Variants in SGCZ observed in about 807,000 individuals in gnomAD.
SGCZ encodes the protein sarcoglycan zeta, also known as zeta-sarcoglycan.
A neutral mutation model predicts 41.3 loss-of-function variants in SGCZ; 40 were observed. That is an observed-to-expected ratio of 0.97 (90% CI 0.75 to 1.26). The LOEUF is 1.26. SGCZ is among the 50% of genes most tolerant of loss of function. SGCZ has a pLI of 0.00. For synonymous variants in SGCZ, 206 were observed against 137.5 expected, an observed-to-expected ratio of 1.50 and a Z score of -3.49; for missense variants, 552 against 369.8, an observed-to-expected ratio of 1.49 and a Z score of -4.04.
At chr8:14,823,046 C>A in intron 1 of SGCZ, among the ~76,000 whole-genome samples, 2 of 102,710 alleles carry the variant, frequency 1.9e-5, no homozygotes, top group African/African-American at 4.5e-5. Flanking sequence ...GAAGCCACAC[C>A]AATCCTCATA....
intron 1 of SGCZ, among the ~76,000 whole-genome samples, chr8:15,093,836 G>A (rs1232206138): frequency 1.3e-5 from 2 of 152,178 alleles, no homozygotes; most frequent in Admixed American, 6.5e-5. Flanking sequence ...ATCTACAGAT[G>A]CTCCATCTTT....
At chr8:14,913,770 C>G (rs1460766898) in intron 1 of SGCZ, among the ~76,000 whole-genome samples, 1 of 151,178 alleles carries the variant, frequency 6.6e-6, no homozygotes, top group Non-Finnish European at 1.5e-5. Flanking sequence ...TTACCAGTCA[C>G]AAATCAATGT....
At chr8:15,008,339 T>C (rs1255948577) in intron 1 of SGCZ, among the ~76,000 whole-genome samples, 1 of 151,962 alleles carries the variant, frequency 6.6e-6, no homozygotes, top group Non-Finnish European at 1.5e-5. Flanking sequence ...TTTTCATTGT[T>C]TTAGTTGTTT....
chr8:14,913,733 A>T (rs2130780605), intron 1 of SGCZ, among the ~76,000 whole-genome samples: 1 of 152,228 alleles, frequency 6.6e-6, no homozygotes, highest in East Asian at 1.9e-4. Flanking sequence ...TCATTTAAAA[A>T]TTTATATAAA....
intron 1 of SGCZ, among the ~76,000 whole-genome samples, chr8:15,076,220 C>T (rs1351479048): frequency 6.6e-6 from 1 of 151,950 alleles, no homozygotes; most frequent in Non-Finnish European, 1.5e-5. Context: ...TGGCCAGTCT[C>T]AGAAATTTGT....
intron 1 of SGCZ, among the ~76,000 whole-genome samples, chr8:14,940,691 G>T (rs923575649): frequency 1.2e-4 from 2 of 17,078 alleles, no homozygotes; most frequent in Non-Finnish European, 2.8e-4. Context: ...GCACCAAAAA[G>T]GTAAAGGAAA....
At chr8:14,529,507 G>C (rs1454860514) in intron 2 of SGCZ, among the ~76,000 whole-genome samples, 2 of 152,122 alleles carry the variant, frequency 1.3e-5, no homozygotes, top group Non-Finnish European at 2.9e-5. Flanking sequence ...CAATCAGCTT[G>C]GTAGTGAACT....
intron 1 of SGCZ, among the ~76,000 whole-genome samples, chr8:14,735,508 C>T (rs1799001834): frequency 6.6e-6 from 1 of 152,156 alleles, no homozygotes; most frequent in African/African-American, 2.4e-5. Context: ...CAGACTTACA[C>T]TAGTGGTTTG....
intron 1 of SGCZ, among the ~76,000 whole-genome samples, chr8:14,764,112 G>A (rs1799970537): frequency 2.0e-5 from 3 of 152,094 alleles, no homozygotes; most frequent in South Asian, 2.1e-4. Context: ...AGACTAATGG[G>A]AACATATCAA....
intron 3 of SGCZ, among the ~76,000 whole-genome samples, chr8:14,300,219 AAG>A (rs929879407): frequency 1.3e-5 from 2 of 151,950 alleles, no homozygotes; most frequent in African/African-American, 4.8e-5. Context: ...TTAATTAAAA[AAG>A]AACAAAATTC....
intron 1 of SGCZ, among the ~76,000 whole-genome samples, chr8:14,957,064 T>A (rs79381624): frequency 0.038 from 5,833 of 152,236 alleles, 351 homozygotes; most frequent in African/African-American, 0.13. Context: ...ATTTGAAGTA[T>A]AAGAGAAAAA....
chr8:14,386,785 C>T (rs993628415), intron 2 of SGCZ, among the ~76,000 whole-genome samples: 8 of 152,110 alleles, frequency 5.3e-5, no homozygotes, highest in Admixed American at 1.3e-4. Flanking sequence ...AATGCCTATA[C>T]ATGCAAGACA....
chr8:14,402,786 C>A (rs1264959703), intron 2 of SGCZ, among the ~76,000 whole-genome samples: 1 of 147,956 alleles, frequency 6.8e-6, no homozygotes, highest in Non-Finnish European at 1.5e-5. Flanking sequence ...TTTTTTGGCT[C>A]CATATGAACT....
At chr8:15,116,600 G>T (rs79578321) in intron 1 of SGCZ, among the ~76,000 whole-genome samples, 231 of 152,288 alleles carry the variant, frequency 1.5e-3, no homozygotes, top group African/African-American at 5.2e-3. Context: ...ACAGAAGGCT[G>T]ACAGAAAGGG....
intron 2 of SGCZ, among the ~76,000 whole-genome samples, chr8:14,340,148 T>A (rs528035885): frequency 3.9e-5 from 6 of 152,258 alleles, no homozygotes; most frequent in African/African-American, 1.4e-4. Context: ...TCTGTTTTTT[T>A]CTTTCATCTC....
chr8:14,924,201 C>T (rs1333100438), intron 1 of SGCZ, among the ~76,000 whole-genome samples: 1 of 152,172 alleles, frequency 6.6e-6, no homozygotes, highest in Non-Finnish European at 1.5e-5. Context: ...CATTTCTTTT[C>T]TTTCTCCTAC....
intron 1 of SGCZ, among the ~76,000 whole-genome samples, chr8:14,575,940 GAA>G (rs1412629440): frequency 9.9e-5 from 13 of 131,334 alleles, no homozygotes; most frequent in Admixed American, 7.6e-4. Context: ...AAAAAAGAAA[GAA>G]AGAGAGAGAG....
chr8:14,616,155 C>T (rs1047148003), intron 1 of SGCZ, among the ~76,000 whole-genome samples: 2 of 151,788 alleles, frequency 1.3e-5, no homozygotes, highest in African/African-American at 2.4e-5. Context: ...TGGGAGCGGG[C>T]GCCTCTAGTC....
chr8:14,586,006 G>T (rs1212689284), intron 1 of SGCZ, among the ~76,000 whole-genome samples: 1 of 151,966 alleles, frequency 6.6e-6, no homozygotes, highest in Non-Finnish European at 1.5e-5. Flanking sequence ...AAAGAATGGG[G>T]GCAATCATGT....
Sources: gnomAD v4.1 joint callset for allele counts (sites outside exome capture counted in the v4.1 genomes callset) on GRCh38, gnomAD v4.1.1 for gene constraint, MANE v1.5 for transcripts, NCBI Gene and HGNC (gene_info 2026-07-23, HGNC 2026-07-21) for gene names.